The following THSD7A variants were observed in gnomAD, a reference collection of about 807,000 sequenced individuals.
The protein encoded by THSD7A is thrombospondin type-1 domain-containing protein 7A.
THSD7A carries 96 observed loss-of-function variants against 231.3 expected under a neutral mutation model. The observed-to-expected ratio is 0.41, with a 90% CI of 0.35 to 0.49. The LOEUF (loss-of-function observed/expected upper bound fraction) is 0.49, where lower values mean the gene tolerates loss of function less well. Among genes scored for constraint, THSD7A ranks in the 20% least tolerant of loss-of-function variants. The pLI is 0.05. For synonymous variants in THSD7A, 940 were observed against 743.3 expected, an observed-to-expected ratio of 1.26 and a Z score of -4.30; for missense variants, 2,290 against 2,070.2, an observed-to-expected ratio of 1.11 and a Z score of -2.06.
At chr7:11,510,207 T>TCC (rs1366824119) in intron 6 of THSD7A, among the ~76,000 whole-genome samples, 2 of 152,008 alleles carry the variant, frequency 1.3e-5, no homozygotes, top group Non-Finnish European at 2.9e-5. Flanking sequence ...ACAAACACCC[T>TCC]CCCAAGACTA....
At chr7:11,619,035 T>C (rs1473516701) in intron 2 of THSD7A, among the ~76,000 whole-genome samples, 1 of 152,152 alleles carries the variant, frequency 6.6e-6, no homozygotes. Flanking sequence ...TCTATTTCCA[T>C]TGTGTATAAA....
At chr7:11,580,746 G>C (rs1791122626) in intron 4 of THSD7A, among the ~76,000 whole-genome samples, 1 of 152,050 alleles carries the variant, frequency 6.6e-6, no homozygotes, top group African/African-American at 2.4e-5. Context: ...ATGGAGGGTG[G>C]AAGGAGGGAG....
intron 4 of THSD7A, among the ~76,000 whole-genome samples, chr7:11,584,260 T>C (rs908801331): frequency 3.9e-5 from 6 of 152,100 alleles, no homozygotes; most frequent in South Asian, 2.1e-4. Context: ...TAAAACAACA[T>C]TGGAAAAAAT....
Position 11,370,782 on chromosome 7 carries a change from T to C in THSD7A, c.*5012A>G, listed in dbSNP as rs886080432. On this transcript the variant is annotated 3_prime_UTR_variant, in exon 28 of 28. Transcript: ENST00000423059. ...GAATAATAATTTATAGAAAGACAGA[T>C]TGCAAATTTTAATAAAGTTATATTT... 3.3e-5 allele frequency: 5 copies of C among 152,132 alleles called. No individual in the cohort carries two copies. The highest frequency in any genetic ancestry group is 1.2e-4 in the African/African-American group (5 of 41,434). The allele number at this position is 152,132 out of a possible 1,614,324, so 9.4% of individuals were successfully genotyped here. A position where few individuals can be genotyped will look rare whatever the true frequency, so the allele number is the denominator to read the frequency against.
At chr7:11,763,664 T>C (rs1285498608) in intron 1 of THSD7A, among the ~76,000 whole-genome samples, 1 of 152,144 alleles carries the variant, frequency 6.6e-6, no homozygotes, top group Non-Finnish European at 1.5e-5. Flanking sequence ...TTAGGTTAGT[T>C]TTTTTAATCA....
chr7:11,494,549 G>A (rs1787022803), intron 6 of THSD7A, among the ~76,000 whole-genome samples: 1 of 151,984 alleles, frequency 6.6e-6, no homozygotes, highest in African/African-American at 2.4e-5. Flanking sequence ...ATCCAGGGAT[G>A]AAAGGAAAGA....
chr7:11,650,086 T>C (rs1313579959), intron 1 of THSD7A, among the ~76,000 whole-genome samples: 7 of 152,124 alleles, frequency 4.6e-5, no homozygotes, highest in African/African-American at 1.7e-4. Flanking sequence ...AAAAGCGTAT[T>C]TGCTAGATTA....
chr7:11,375,801 TCGG>T lies in THSD7A; in HGVS notation c.4964_4966del (p.Ala1655del). 6.2e-7 allele frequency: 1 copy of T among 1,612,346 alleles called. No homozygotes were observed. Among genetic ancestry groups the T allele is most frequent in the Non-Finnish European group, 8.5e-7 (1 of 1,178,808 alleles). On this transcript the variant is annotated inframe_deletion, in exon 28 of 28. Transcript: ENST00000423059. ...GCCAGGAAAAGTTATATGTTACATG[TCGG>T]CATCTCCATCATAGGCTAAGGTTAA...
Position 11,636,194 on chromosome 7 carries a change from G to C in THSD7A, c.958C>G (p.Gln320Glu), listed in dbSNP as rs1240184738. The C allele has an allele frequency of 6.2e-7, 1 of 1,614,000 alleles. No individual in the cohort carries two copies. Residue 320 changes from glutamine (Q) to glutamate (E), a missense_variant, in exon 2 of 28, where the codon CAG (glutamine) becomes GAG (glutamate). Coordinates refer to ENST00000423059, the MANE Select transcript of THSD7A (RefSeq NM_015204.3). The surrounding 1 kb of genome is among the most constrained non-coding windows in gnomAD (Gnocchi z 10.0). ...ACCTCTCTGGTCTGATATCCAATCT[G>C]GATGTCCCAATATTTGTTCTCTTGT... Reference protein sequence around the residue: ...NRQENKYWDIQIGYQTREVMC... With the variant: ...NRQENKYWDIEIGYQTREVMC...
At chr7:11,447,544 C>T (rs1785012522) in intron 11 of THSD7A, 120 bp from the exon 12 acceptor site, 2 of 776,626 alleles carry the variant, frequency 2.6e-6, no homozygotes, top group Non-Finnish European at 3.9e-6. Flanking sequence ...TCCTTACTTA[C>T]AGTAGAAATC....
At chr7:11,508,455 T>C (rs10250329) in intron 6 of THSD7A, among the ~76,000 whole-genome samples, 87,765 of 151,890 alleles carry the variant, frequency 0.58, 26,771 homozygotes, top group African/African-American at 0.78. Flanking sequence ...CAACTCTTGG[T>C]GAGAATATGA....
chr7:11,485,731 T>C (rs1786629888), intron 6 of THSD7A, among the ~76,000 whole-genome samples: 1 of 152,162 alleles, frequency 6.6e-6, no homozygotes. Flanking sequence ...AAATAATAGA[T>C]AAGGCTTTGC....
chr7:11,656,298 T>G (rs935787448), intron 1 of THSD7A, among the ~76,000 whole-genome samples: 3 of 151,890 alleles, frequency 2.0e-5, no homozygotes, highest in African/African-American at 7.2e-5. Flanking sequence ...ATTATTTAAA[T>G]CAAAATTGCA....
At chr7:11,829,897 T>C (rs1409779314) in intron 1 of THSD7A, among the ~76,000 whole-genome samples, 1 of 151,998 alleles carries the variant, frequency 6.6e-6, no homozygotes, top group Non-Finnish European at 1.5e-5. Context: ...TCAAGAAATA[T>C]CTTTAACATC....
In THSD7A at chr7:11,417,586, G is replaced by A. The variant is rs1197789816; in HGVS notation, c.3401C>T (p.Ala1134Val). The A allele has an allele frequency of 2.5e-6, 4 of 1,608,686 alleles. No individual in the cohort carries two copies. The highest frequency in any genetic ancestry group is 3.4e-6 in the Non-Finnish European group (4 of 1,178,596). Reference sequence around the variant, plus strand: ...CTCTACATGTTCAGAAGGGCCATCTGCTGTATTCTGCATGCATCTAGAAAA... The same window carrying A: ...CTCTACATGTTCAGAAGGGCCATCTACTGTATTCTGCATGCATCTAGAAAA... ...TRKVRCMQNT[A>V]DGPSEHVEDY... Residue 1134 changes from alanine to valine, a missense_variant, in exon 17 of 28, where the codon GCA (alanine) becomes GTA (valine). Coordinates refer to ENST00000423059, the MANE Select transcript of THSD7A (RefSeq NM_015204.3).
intron 1 of THSD7A, among the ~76,000 whole-genome samples, chr7:11,686,455 C>T (rs1203273828): frequency 6.6e-6 from 1 of 151,834 alleles, no homozygotes; most frequent in Non-Finnish European, 1.5e-5. Flanking sequence ...ACAACATGTA[C>T]ATAGGGTACA....
intron 6 of THSD7A, among the ~76,000 whole-genome samples, chr7:11,489,865 T>C (rs377129883): frequency 2.6e-5 from 4 of 152,222 alleles, no homozygotes; most frequent in African/African-American, 7.2e-5. Flanking sequence ...TTTATAATGA[T>C]ATATTATCTT....
chr7:11,824,279 C>T lies in THSD7A; in HGVS notation c.190+7478G>A, dbSNP rs925620341. On this transcript the variant is annotated intron_variant, in intron 1 of 27. Coordinates refer to ENST00000423059, the MANE Select transcript of THSD7A (RefSeq NM_015204.3). ...GGGATCCTGTCCTATATATTCACTACACTGAGGGACTTCCAATACTCTCTT... is the reference window on the plus strand; with the variant it reads ...GGGATCCTGTCCTATATATTCACTATACTGAGGGACTTCCAATACTCTCTT... Among the ~76,000 whole-genome samples, 12 of 152,138 alleles carry T rather than the reference C, an allele frequency of 7.9e-5. No individual in the cohort carries two copies. The East Asian group carries it at 1.9e-3, about 25-fold the overall frequency.
chr7:11,618,411 T>C (rs1252441392), intron 2 of THSD7A, among the ~76,000 whole-genome samples: 2 of 152,156 alleles, frequency 1.3e-5, no homozygotes, highest in African/African-American at 4.8e-5. Context: ...ATGTGTAAAA[T>C]CAGTATGTGT....
Sources: gnomAD v4.1 joint callset for allele counts (sites outside exome capture counted in the v4.1 genomes callset) on GRCh38, gnomAD v4.1.1 for gene constraint, Gnocchi (gnomAD v3.1) non-coding constraint, MANE v1.5 for transcripts, NCBI Gene and HGNC (gene_info 2026-07-23, HGNC 2026-07-21) for gene names.